Variants in NXPE2 observed in about 807,000 individuals in gnomAD.
NXPE2 encodes NXPE family member 2.
A neutral mutation model predicts 34.4 loss-of-function variants in NXPE2; 34 were observed. That is an observed-to-expected ratio of 0.99 (90% CI 0.75 to 1.31). The LOEUF is 1.31. Ranked by LOEUF, NXPE2 falls within the 40% of genes most tolerant of loss-of-function variation. NXPE2 has a pLI of 0.00. For synonymous variants in NXPE2, 235 were observed against 231.3 expected, an observed-to-expected ratio of 1.02 and a Z score of -0.15; for missense variants, 649 against 672.5, an observed-to-expected ratio of 0.97 and a Z score of 0.39.
chr11:114,626,232 C>A, the NXPE2 span, among the ~76,000 whole-genome samples: 2 of 152,188 alleles, frequency 1.3e-5, no homozygotes, highest in Non-Finnish European at 2.9e-5. Flanking sequence ...AGGGCACAGA[C>A]AAACAAAAAG....
the NXPE2 span, among the ~76,000 whole-genome samples, chr11:114,538,792 T>C: frequency 6.6e-6 from 1 of 152,122 alleles, no homozygotes. Context: ...CAACAGGTGC[T>C]GGAGAGGATG....
the NXPE2 span, among the ~76,000 whole-genome samples, chr11:114,608,685 C>A: frequency 1.3e-5 from 2 of 149,642 alleles, no homozygotes; most frequent in East Asian, 2.0e-4. Flanking sequence ...GCATTGCCTC[C>A]CAGGTAACCA....
the NXPE2 span, among the ~76,000 whole-genome samples, chr11:114,761,189 C>T: frequency 6.6e-6 from 1 of 152,220 alleles, no homozygotes; most frequent in African/African-American, 2.4e-5. Context: ...CTGACACCTA[C>T]TGCCTTTCCT....
chr11:114,568,626 A>G, the NXPE2 span, among the ~76,000 whole-genome samples: 1 of 152,054 alleles, frequency 6.6e-6, no homozygotes, highest in African/African-American at 2.4e-5. Flanking sequence ...AAGGCCACAT[A>G]AGATCTAGCT....
the NXPE2 span, among the ~76,000 whole-genome samples, chr11:114,734,391 G>A: frequency 6.6e-6 from 1 of 152,092 alleles, no homozygotes; most frequent in Admixed American, 6.6e-5. Flanking sequence ...GCAACTTTTA[G>A]GGTAAAGATT....
At chr11:114,582,272 A>T in the NXPE2 span, 1 of 1,543,926 alleles carries the variant, frequency 6.5e-7, no homozygotes. Context: ...TAGTCTCAAG[A>T]AGTAATTATT....
chr11:114,746,218 T>C, the NXPE2 span, among the ~76,000 whole-genome samples: 2 of 152,146 alleles, frequency 1.3e-5, no homozygotes, highest in African/African-American at 4.8e-5. Flanking sequence ...CTCTCGGTAA[T>C]GAGGTGTTGA....
At chr11:114,808,936 A>C in the NXPE2 span, among the ~76,000 whole-genome samples, 6 of 152,292 alleles carry the variant, frequency 3.9e-5, 1 homozygote, top group Admixed American at 3.9e-4. Context: ...TTGATGCAAA[A>C]ATCCTCAGTA....
chr11:114,499,068 T>A, the NXPE2 span, among the ~76,000 whole-genome samples: 1 of 152,164 alleles, frequency 6.6e-6, no homozygotes, highest in African/African-American at 2.4e-5. Flanking sequence ...CTCCCATGGT[T>A]ATTGATATCC....
chr11:114,493,427 G>T, the NXPE2 span, among the ~76,000 whole-genome samples: 2 of 152,068 alleles, frequency 1.3e-5, no homozygotes, highest in Non-Finnish European at 2.9e-5. Context: ...TTTTAGTGAA[G>T]GTGATTTTCT....
the NXPE2 span, chr11:114,583,589 T>C: frequency 1.7e-6 from 1 of 595,768 alleles, no homozygotes; most frequent in Non-Finnish European, 3.3e-6. Context: ...CTGTCAGTTG[T>C]CTACTGGTGG....
At chr11:114,629,675 A>G in the NXPE2 span, among the ~76,000 whole-genome samples, 30 of 152,040 alleles carry the variant, frequency 2.0e-4, no homozygotes, top group Admixed American at 1.8e-3. Flanking sequence ...GGCCAGGGCA[A>G]TTACATAGGA....
At chr11:114,748,406 G>T in the NXPE2 span, among the ~76,000 whole-genome samples, 3 of 152,078 alleles carry the variant, frequency 2.0e-5, no homozygotes, top group Admixed American at 2.0e-4. Flanking sequence ...CTCAAATTTT[G>T]CCAGATGTCT....
chr11:114,725,976 A>AAAAAAATATATATAT, the NXPE2 span, among the ~76,000 whole-genome samples: 51 of 101,736 alleles, frequency 5.0e-4, no homozygotes, highest in African/African-American at 1.7e-3. Flanking sequence ...ATAAAAAAAA[A>AAAAAAATATATATAT]ATATATATAT....
chr11:114,775,659 C>A, the NXPE2 span, among the ~76,000 whole-genome samples: 1 of 152,164 alleles, frequency 6.6e-6, no homozygotes, highest in African/African-American at 2.4e-5. Flanking sequence ...AACTGAAAGC[C>A]TCCCTTCCTG....
the NXPE2 span, among the ~76,000 whole-genome samples, chr11:114,533,085 A>G: frequency 6.6e-6 from 1 of 152,266 alleles, no homozygotes; most frequent in Non-Finnish European, 1.5e-5. Context: ...AGTCCTGAAC[A>G]ATAAAATAAA....
chr11:114,674,914 G>A (rs1950840979), upstream of NXPE2, among the ~76,000 whole-genome samples: 1 of 151,658 alleles, frequency 6.6e-6, no homozygotes, highest in Admixed American at 6.6e-5. Flanking sequence ...CAAAATACTA[G>A]CAAACAAAAT....
At chr11:114,520,489 C>G in the NXPE2 span, among the ~76,000 whole-genome samples, 163 of 152,268 alleles carry the variant, frequency 1.1e-3, no homozygotes, top group Non-Finnish European at 1.6e-3. Context: ...TACATATATA[C>G]TGCAAATTAT....
chr11:114,651,048 AATAAT>A, the NXPE2 span, among the ~76,000 whole-genome samples: 7 of 152,106 alleles, frequency 4.6e-5, no homozygotes, highest in African/African-American at 1.4e-4. Flanking sequence ...CATTGAAGGT[AATAAT>A]ATAATAGCTA....
Sources: allele counts gnomAD v4.1 joint callset (sites outside exome capture counted in the v4.1 genomes callset), GRCh38; gene constraint gnomAD v4.1.1; transcripts MANE v1.5; gene names NCBI Gene and HGNC (gene_info 2026-07-23, HGNC 2026-07-21).